The following SCN11A variants were observed in gnomAD, a reference collection of about 807,000 sequenced individuals.
SCN11A encodes sodium voltage-gated channel alpha subunit 11.
A neutral mutation model predicts 162.2 loss-of-function variants in SCN11A; 122 were observed. That is an observed-to-expected ratio of 0.75 (90% CI 0.65 to 0.87). The LOEUF (loss-of-function observed/expected upper bound fraction) is 0.87. Ranked by LOEUF, SCN11A falls within the 40% of genes least tolerant of loss-of-function variation. The pLI, the probability that SCN11A is intolerant of heterozygous loss-of-function variation, is 0.00. For synonymous variants in SCN11A, 758 were observed against 751.5 expected (o/e 1.01, Z -0.14); for missense variants, 2,015 against 2,181.6 (o/e 0.92, Z 1.52).
chr3:39,045,394 C>G (rs2032158891), intron 1 of SCN11A, among the ~76,000 whole-genome samples: 2 of 152,068 alleles, frequency 1.3e-5, no homozygotes, highest in African/African-American at 4.8e-5. Context: ...AAATTCTCAA[C>G]AAAATATTAG....
intron 1 of SCN11A, among the ~76,000 whole-genome samples, chr3:39,046,453 C>A (rs867206864): frequency 1.3e-5 from 2 of 152,162 alleles, no homozygotes; most frequent in Middle Eastern, 3.4e-3. Context: ...AAGTGATCTA[C>A]AGATTAAATG....
At chr3:38,932,363 G>A (rs2066254682) in intron 7 of SCN11A, among the ~76,000 whole-genome samples, 1 of 152,222 alleles carries the variant, frequency 6.6e-6, no homozygotes. Context: ...GTGCCAGACA[G>A]TGGATGCAGG....
chr3:38,909,947 A>G, intron 12 of SCN11A, 119 bp downstream of exon 12: 1 of 967,566 alleles, frequency 1.0e-6, no homozygotes, highest in Non-Finnish European at 1.5e-6. Context: ...GACAGATGAT[A>G]AAAGTGGGGG....
chr3:39,024,348 T>C (rs2031532429), intron 2 of SCN11A, among the ~76,000 whole-genome samples: 1 of 152,226 alleles, frequency 6.6e-6, no homozygotes, highest in African/African-American at 2.4e-5. Context: ...GTAGCATTTA[T>C]TCCTCCTGGG....
At chr3:39,028,063 C>T (rs961813099) in intron 2 of SCN11A, among the ~76,000 whole-genome samples, 1 of 152,208 alleles carries the variant, frequency 6.6e-6, no homozygotes, top group African/African-American at 2.4e-5. Flanking sequence ...AAACCCTCAT[C>T]AAACCCCTAC....
intron 2 of SCN11A, among the ~76,000 whole-genome samples, chr3:38,987,596 G>A (rs921305397): frequency 4.0e-5 from 6 of 149,370 alleles, no homozygotes; most frequent in African/African-American, 1.5e-4. Context: ...GACACCATTT[G>A]CCCATGTGAC....
Position 38,894,852 on chromosome 3 carries a change from A to G in SCN11A, c.2516T>C (p.Phe839Ser). 6.2e-7 allele frequency: 1 copy of G among 1,614,190 alleles called. No individual in the cohort carries two copies. The highest frequency in any genetic ancestry group is 1.1e-5 in the South Asian group (1 of 91,084). The change falls in exon 19 of 30, where the codon TTC becomes TCC. Residue 839 changes from phenylalanine to serine, a missense_variant. Coordinates refer to ENST00000302328, the MANE Select transcript of SCN11A (RefSeq NM_001349253.2). ...KTKVQLALDR[F>S]RRAFCFVRHT... ...TCTCACAAAACAAAAAGCCCGGCGG[A>G]ATCGATCCAGTGCTAACTGGACTTT...
At chr3:38,950,550 G>A (rs903650212) in intron 4 of SCN11A, 181 bp from the exon 5 acceptor site, 9 of 609,554 alleles carry the variant, frequency 1.5e-5, no homozygotes, top group Non-Finnish European at 2.0e-5. Flanking sequence ...CACCACTGTG[G>A]GTATAGCAGG....
chr3:39,046,120 C>T (rs113384054), intron 1 of SCN11A, among the ~76,000 whole-genome samples: 3 of 152,036 alleles, frequency 2.0e-5, no homozygotes, highest in Admixed American at 1.3e-4. Flanking sequence ...ATTAGCTGGG[C>T]GTGGTGGCAC....
chr3:38,945,387 G>C (rs1301178141), intron 7 of SCN11A, 24 bp downstream of exon 7: 3 of 1,503,706 alleles, frequency 2.0e-6, no homozygotes, highest in Admixed American at 1.7e-5. Flanking sequence ...ACTTAGGACA[G>C]GTGAGTGAAG....
At chr3:38,911,208 G>A (rs1003478385) in intron 11 of SCN11A, among the ~76,000 whole-genome samples, 1 of 152,026 alleles carries the variant, frequency 6.6e-6, no homozygotes, top group Non-Finnish European at 1.5e-5. Flanking sequence ...TGGAGCACTT[G>A]TCAATTAGCT....
At chr3:39,044,980 T>C (rs1181613083) in intron 1 of SCN11A, among the ~76,000 whole-genome samples, 6 of 151,962 alleles carry the variant, frequency 3.9e-5, no homozygotes, top group Non-Finnish European at 8.8e-5. Flanking sequence ...AAACAACTGT[T>C]ACCACAGGAA....
chr3:38,988,004 C>T (rs1575348577), intron 2 of SCN11A, among the ~76,000 whole-genome samples: 2 of 152,310 alleles, frequency 1.3e-5, no homozygotes, highest in East Asian at 3.9e-4. Context: ...TACCGTCCTG[C>T]CTCCAGGACT....
intron 2 of SCN11A, among the ~76,000 whole-genome samples, chr3:38,980,056 C>G (rs1481688743): frequency 1.3e-5 from 2 of 152,146 alleles, no homozygotes; most frequent in African/African-American, 4.8e-5. Context: ...GCACCAGGCC[C>G]AGGGGACCAG....
At chr3:38,872,707 G>A (rs1306196369) in intron 23 of SCN11A, among the ~76,000 whole-genome samples, 1 of 152,090 alleles carries the variant, frequency 6.6e-6, no homozygotes, top group Admixed American at 6.6e-5. Flanking sequence ...TTTGATCACT[G>A]TATTGTAATC....
chr3:38,848,354 C>A (rs574328700), intron 29 of SCN11A, among the ~76,000 whole-genome samples: 1 of 152,214 alleles, frequency 6.6e-6, no homozygotes, highest in South Asian at 2.1e-4. Flanking sequence ...CTTGTGTAGA[C>A]ATGGCCTTGT....
At chr3:38,864,888 G>A (rs1231067602) in intron 27 of SCN11A, among the ~76,000 whole-genome samples, 1 of 152,056 alleles carries the variant, frequency 6.6e-6, no homozygotes, top group African/African-American at 2.4e-5. Context: ...ATAAGCAAAT[G>A]AAACACAGAA....
At chr3:39,012,283 C>A (rs917511107) in intron 2 of SCN11A, among the ~76,000 whole-genome samples, 1 of 151,998 alleles carries the variant, frequency 6.6e-6, no homozygotes, top group Non-Finnish European at 1.5e-5. Flanking sequence ...CGAGATTACG[C>A]CATTGCACTC....
chr3:38,857,474 A>G (rs2064888502), intron 28 of SCN11A, among the ~76,000 whole-genome samples: 2 of 152,010 alleles, frequency 1.3e-5, no homozygotes, highest in Non-Finnish European at 2.9e-5. Context: ...AGTTTAAAAA[A>G]TGAATGAAGC....
Sources: gnomAD v4.1 joint callset for allele counts (sites outside exome capture counted in the v4.1 genomes callset) on GRCh38, gnomAD v4.1.1 for gene constraint, MANE v1.5 for transcripts, NCBI Gene and HGNC (gene_info 2026-07-23, HGNC 2026-07-21) for gene names.